Variants in CATSPERT observed in about 807,000 individuals in gnomAD.
CATSPERT encodes catsper channel auxiliary subunit tau.
the CATSPERT span, among the ~76,000 whole-genome samples, chr2:201,592,191 A>G: frequency 1.6e-4 from 25 of 151,992 alleles, no homozygotes; most frequent in Non-Finnish European, 7.4e-5. Flanking sequence ...TTAGCATGAA[A>G]GGTTGTTGAA....
chr2:201,612,889 C>T, the CATSPERT span, among the ~76,000 whole-genome samples: 3 of 152,216 alleles, frequency 2.0e-5, no homozygotes, highest in East Asian at 1.9e-4. Flanking sequence ...GCAAACGGCA[C>T]ACCAGGACAT....
the CATSPERT span, chr2:201,554,434 T>G: frequency 6.6e-6 from 1 of 152,162 alleles, no homozygotes; most frequent in African/African-American, 2.4e-5. Context: ...TGACACGATA[T>G]TCTAAAAATT....
the CATSPERT span, among the ~76,000 whole-genome samples, chr2:201,583,533 T>C: frequency 6.6e-6 from 1 of 152,252 alleles, no homozygotes; most frequent in African/African-American, 2.4e-5. Context: ...ATATTATGTA[T>C]ATTTTGTCAT....
At chr2:201,522,720 G>T in the CATSPERT span, among the ~76,000 whole-genome samples, 1 of 152,220 alleles carries the variant, frequency 6.6e-6, no homozygotes, top group Non-Finnish European at 1.5e-5. Context: ...CCTGTGTGGA[G>T]CCCAGAGGGT....
the CATSPERT span, chr2:201,557,654 C>A: frequency 6.6e-6 from 1 of 152,208 alleles, no homozygotes; most frequent in Admixed American, 6.5e-5. Flanking sequence ...TATTAATCTG[C>A]TTTTCACCTA....
chr2:201,541,847 C>T, the CATSPERT span, among the ~76,000 whole-genome samples: 1 of 151,966 alleles, frequency 6.6e-6, no homozygotes, highest in East Asian at 1.9e-4. Flanking sequence ...CTGCCTGCCT[C>T]GGCCTCCCAA....
At chr2:201,488,947 A>G in the CATSPERT span, among the ~76,000 whole-genome samples, 1 of 152,192 alleles carries the variant, frequency 6.6e-6, no homozygotes, top group Non-Finnish European at 1.5e-5. Context: ...TTAGTGAGTA[A>G]CACATAATTT....
the CATSPERT span, among the ~76,000 whole-genome samples, chr2:201,572,378 A>G: frequency 1.8e-4 from 27 of 152,232 alleles, no homozygotes; most frequent in South Asian, 2.9e-3. Context: ...TCTGCCCCCA[A>G]TGTAGTGCCC....
At chr2:201,596,896 C>A in the CATSPERT span, among the ~76,000 whole-genome samples, 4 of 152,184 alleles carry the variant, frequency 2.6e-5, no homozygotes, top group African/African-American at 9.7e-5. Context: ...CACGTTGATA[C>A]GTTTATGACA....
the CATSPERT span, among the ~76,000 whole-genome samples, chr2:201,515,214 T>G: frequency 1.3e-4 from 4 of 30,174 alleles, no homozygotes; most frequent in East Asian, 9.7e-4. Flanking sequence ...TTTTTTTTTT[T>G]TTTTTTTTTT....
the CATSPERT span, among the ~76,000 whole-genome samples, chr2:201,526,053 C>T: frequency 6.6e-6 from 1 of 152,188 alleles, no homozygotes; most frequent in Non-Finnish European, 1.5e-5. Flanking sequence ...AGAACTTGTA[C>T]CAATTCTACT....
At chr2:201,575,575 A>G in the CATSPERT span, among the ~76,000 whole-genome samples, 1 of 152,094 alleles carries the variant, frequency 6.6e-6, no homozygotes. Context: ...GGGGCATTAG[A>G]TTCTCATCAG....
the CATSPERT span, chr2:201,565,741 T>G: frequency 6.3e-7 from 1 of 1,583,456 alleles, no homozygotes; most frequent in Non-Finnish European, 8.6e-7. Context: ...TTCCCGGGGT[T>G]GTTGCTGAAG....
At chr2:201,492,718 A>G in the CATSPERT span, 1 of 1,535,402 alleles carries the variant, frequency 6.5e-7, no homozygotes, top group Non-Finnish European at 8.7e-7. Flanking sequence ...AAAAGACATG[A>G]TTTCTTTCAC....
chr2:201,487,592 C>G, the CATSPERT span: 9 of 1,600,334 alleles, frequency 5.6e-6, no homozygotes, highest in Admixed American at 1.3e-4. Flanking sequence ...TTTATAATAT[C>G]ACAAATGAGC....
chr2:201,572,427 T>A, the CATSPERT span, among the ~76,000 whole-genome samples: 1 of 152,218 alleles, frequency 6.6e-6, no homozygotes, highest in Non-Finnish European at 1.5e-5. Flanking sequence ...GGGGACAATA[T>A]CACTGAAAAG....
the CATSPERT span, chr2:201,495,825 T>C: frequency 9.7e-7 from 1 of 1,035,626 alleles, no homozygotes; most frequent in South Asian, 1.7e-5. Context: ...TTAGAACTAT[T>C]GAATTAAAGT....
chr2:201,510,941 A>G, the CATSPERT span, among the ~76,000 whole-genome samples: 1 of 152,242 alleles, frequency 6.6e-6, no homozygotes. Flanking sequence ...ATGTATTGTT[A>G]TCCAAAACAT....
chr2:201,600,582 T>C, the CATSPERT span, among the ~76,000 whole-genome samples: 1 of 151,754 alleles, frequency 6.6e-6, no homozygotes, highest in Admixed American at 6.6e-5. Context: ...ACTTAAAGTA[T>C]AATAAAAAAA....
Sources: allele counts gnomAD v4.1 joint callset (sites outside exome capture counted in the v4.1 genomes callset), GRCh38; gene constraint gnomAD v4.1.1; transcripts MANE v1.5; gene names NCBI Gene and HGNC (gene_info 2026-07-23, HGNC 2026-07-21).